NSUN7: variants seen among roughly 807,000 people sequenced by gnomAD.
The protein encoded by NSUN7 is protein NSUN7.
Under a neutral mutation model 58.5 loss-of-function variants are expected in NSUN7, and 39 were observed. The observed-to-expected ratio is 0.67, with a 90% CI of 0.52 to 0.87. The LOEUF (loss-of-function observed/expected upper bound fraction) is 0.87, where lower values mean the gene tolerates loss of function less well. Ranked by LOEUF, NSUN7 falls within the 40% of genes least tolerant of loss-of-function variation. The probability of loss-of-function intolerance (pLI) is 0.00; values close to 1 mark genes in which losing one functional copy is unlikely to be tolerated. For synonymous variants in NSUN7, 278 were observed against 303.7 expected (o/e 0.92, Z 0.88); for missense variants, 765 against 844.1 (o/e 0.91, Z 1.16).
intron 7 of NSUN7, among the ~76,000 whole-genome samples, chr4:40,780,622 A>G (rs1236090519): frequency 6.6e-6 from 1 of 151,552 alleles, no homozygotes; most frequent in East Asian, 1.9e-4. Context: ...AAGAAAAAAA[A>G]AAGGAGAGAA....
At chr4:40,771,473 A>G (rs1742006819) in intron 4 of NSUN7, among the ~76,000 whole-genome samples, 1 of 152,132 alleles carries the variant, frequency 6.6e-6, no homozygotes, top group Non-Finnish European at 1.5e-5. Flanking sequence ...ACCTGAATTC[A>G]GATAATTGAG....
rs750243208 is a variant in NSUN7 at position 40,760,507 on chromosome 4, T to C, written c.357+15T>C. ...GTACCACAATAGTAAGTAGATAAGT[T>C]TTAGAATTACATCGTTTCATGATTT... is the stretch of plus-strand genomic sequence containing the variant. On this transcript the variant is annotated intron_variant, in intron 3 of 11. Transcript: ENST00000381782. The C allele has an allele frequency of 3.2e-6, 5 of 1,550,742 alleles. No homozygotes were observed. In the South Asian group the frequency reaches 4.6e-5, roughly 14 times the overall value.
intron 2 of NSUN7, among the ~76,000 whole-genome samples, chr4:40,758,257 G>C (rs1046630977): frequency 6.6e-6 from 1 of 152,144 alleles, no homozygotes; most frequent in Non-Finnish European, 1.5e-5. Flanking sequence ...CATCTCCACT[G>C]CTCAAAGAGG....
chr4:40,766,544 T>G (rs1202264247), intron 4 of NSUN7, among the ~76,000 whole-genome samples: 1 of 152,214 alleles, frequency 6.6e-6, no homozygotes, highest in Non-Finnish European at 1.5e-5. Flanking sequence ...TAAAATTCTC[T>G]TTTTTGGCTG....
chr4:40,785,862 A>G (rs1365670345), intron 7 of NSUN7, among the ~76,000 whole-genome samples: 1 of 152,276 alleles, frequency 6.6e-6, no homozygotes, highest in East Asian at 1.9e-4. Context: ...CATGCATGAT[A>G]AGAAGTTAGA....
chr4:40,788,751 C>T (rs2154288512), intron 7 of NSUN7, among the ~76,000 whole-genome samples: 1 of 152,294 alleles, frequency 6.6e-6, no homozygotes, highest in East Asian at 1.9e-4. Flanking sequence ...TCTCAGAGAC[C>T]TGAATCTCAG....
chr4:40,795,705 G>C (rs1016680705), intron 9 of NSUN7, among the ~76,000 whole-genome samples: 3 of 152,136 alleles, frequency 2.0e-5, no homozygotes, highest in Non-Finnish European at 4.4e-5. Context: ...TGTGTAATCA[G>C]GGGTTTGACT....
At position 40,790,851 on chromosome 4, in the gene NSUN7, AT is replaced by A. The variant is rs1227151976; in HGVS notation, c.1180+107del. 1.5e-5 allele frequency: 13 copies of A among 855,342 alleles called. No homozygotes were observed. In the East Asian group the frequency reaches 2.8e-4, roughly 19 times the overall value. 53.0% of individuals were successfully genotyped at this position (855,342 alleles called of 1,614,324 possible). On this transcript the variant is annotated intron_variant, in intron 8 of 11. Coordinates refer to ENST00000381782, the MANE Select transcript of NSUN7 (RefSeq NM_024677.6). ...ATCAAATACATCTGATTAATAAATA[AT>A]AGCAACCACATATAAAGTACTTACT... is the stretch of plus-strand genomic sequence containing the variant.
chr4:40,776,878 A>T (rs1742296376), intron 7 of NSUN7, among the ~76,000 whole-genome samples: 1 of 152,242 alleles, frequency 6.6e-6, no homozygotes, highest in Non-Finnish European at 1.5e-5. Context: ...GGCATCCCAA[A>T]GTCCTGAGAT....
rs1742206425 is a variant in NSUN7 at position 40,775,147 on chromosome 4, A to T, written c.825+197A>T. ...TGGTTGGCGTCTTTGTCTCATGTGA[A>T]TTTATAAAGAACATATTCTTCTCCC... On this transcript the variant is annotated intron_variant, in intron 6 of 11. Coordinates refer to ENST00000381782, the MANE Select transcript of NSUN7 (RefSeq NM_024677.6). The surrounding 1 kb of genome is among the most constrained non-coding windows in gnomAD (Gnocchi z 4.3). 1 of 291,494 alleles carries T rather than the reference A, an allele frequency of 3.4e-6. No homozygotes were observed. Among genetic ancestry groups the T allele is most frequent in the Non-Finnish European group, 6.3e-6 (1 of 158,252 alleles). 18.1% of individuals were successfully genotyped at this position (291,494 alleles called of 1,614,324 possible).
intron 4 of NSUN7, among the ~76,000 whole-genome samples, chr4:40,766,918 C>T (rs1215088378): frequency 3.3e-5 from 5 of 149,988 alleles, no homozygotes; most frequent in Admixed American, 1.3e-4. Context: ...TCTGTGGGAT[C>T]GGTGGTGATA....
chr4:40,780,017 C>G (rs1742448343), intron 7 of NSUN7, among the ~76,000 whole-genome samples: 1 of 152,118 alleles, frequency 6.6e-6, no homozygotes, highest in African/African-American at 2.4e-5. Flanking sequence ...TGTGGTAGCT[C>G]ATGCCTGTAA....
chr4:40,778,762 G>A lies in NSUN7; in HGVS notation c.1036+2503G>A, dbSNP rs183888629. On this transcript the variant is annotated intron_variant, in intron 7 of 11. Coordinates refer to ENST00000381782, the MANE Select transcript of NSUN7 (RefSeq NM_024677.6). ...ATACCTGCTGAAAACCAAAGAGAAAGGTATTGGTGAGTAGCCAGGGAGAAA... is the reference window on the plus strand; with the variant it reads ...ATACCTGCTGAAAACCAAAGAGAAAAGTATTGGTGAGTAGCCAGGGAGAAA... 2.6e-4 allele frequency among the ~76,000 whole-genome samples: 40 copies of A among 152,256 alleles called. No individual in the cohort carries two copies. The East Asian group carries it at 6.4e-3, about 24-fold the overall frequency.
In NSUN7 at chr4:40,774,868, A is replaced by T. The variant is rs956129766; in HGVS notation, c.743A>T (p.Tyr248Phe). The change falls in exon 6 of 12, where the codon TAT (tyrosine) becomes TTT (phenylalanine). Residue 248 changes from tyrosine to phenylalanine, a missense_variant. By Grantham distance (22) the Tyr-to-Phe change is conservative (BLOSUM62 3). Transcript: ENST00000381782. ...DKVFAVDQHC[Y>F]DVLIFPSHLK... ...GTCTTTGCTGTGGATCAACATTGCTATGATGTCTTAATTTTTCCATCTCAT... is the reference window on the plus strand; with the variant it reads ...GTCTTTGCTGTGGATCAACATTGCTTTGATGTCTTAATTTTTCCATCTCAT... 1 of 1,435,346 alleles carries T rather than the reference A, an allele frequency of 7.0e-7. No homozygotes were observed. Among genetic ancestry groups the T allele is most frequent in the Non-Finnish European group, 9.8e-7 (1 of 1,018,526 alleles). 88.9% of individuals were successfully genotyped at this position (1,435,346 alleles called of 1,614,324 possible). A position where few individuals can be genotyped will look rare whatever the true frequency, so the allele number is the denominator to read the frequency against.
chr4:40,766,627 C>T (rs1474706187), intron 4 of NSUN7, among the ~76,000 whole-genome samples: 1 of 152,146 alleles, frequency 6.6e-6, no homozygotes, highest in Non-Finnish European at 1.5e-5. Flanking sequence ...CCCTCTTTTT[C>T]TATTGTTTGG....
chr4:40,792,815 G>T (rs1433536393), intron 8 of NSUN7, among the ~76,000 whole-genome samples: 1 of 152,232 alleles, frequency 6.6e-6, no homozygotes, highest in East Asian at 1.9e-4. Context: ...TGTACTCTGA[G>T]GAGCTAAAAG....
chr4:40,789,691 T>C (rs1742990670), intron 7 of NSUN7, among the ~76,000 whole-genome samples: 1 of 152,138 alleles, frequency 6.6e-6, no homozygotes, highest in African/African-American at 2.4e-5. Context: ...ATTGCAGATA[T>C]TTGAAGTTTC....
intron 7 of NSUN7, among the ~76,000 whole-genome samples, chr4:40,785,836 A>G (rs1742791372): frequency 6.6e-6 from 1 of 152,232 alleles, no homozygotes; most frequent in Non-Finnish European, 1.5e-5. Context: ...GAAATAGTAA[A>G]GATTGATGAT....
intron 2 of NSUN7, among the ~76,000 whole-genome samples, chr4:40,757,611 TTGTG>T (rs1368882693): frequency 6.9e-6 from 1 of 144,964 alleles, no homozygotes. Context: ...TATATATACA[TTGTG>T]TGTATATATA....
Sources: allele counts gnomAD v4.1 joint callset (sites outside exome capture counted in the v4.1 genomes callset), GRCh38; gene constraint gnomAD v4.1.1; non-coding constraint Gnocchi (gnomAD v3.1); transcripts MANE v1.5; gene names NCBI Gene and HGNC (gene_info 2026-07-23, HGNC 2026-07-21).